C3orf70: variants seen among roughly 807,000 people sequenced by gnomAD.
C3orf70 encodes the protein chromosome 3 open reading frame 70, also known as UPF0524 protein C3orf70.
A neutral mutation model predicts 20.7 loss-of-function variants in C3orf70; 15 were observed. The ratio of observed to expected loss-of-function variants is 0.72; its 90% confidence interval spans 0.48 to 1.11. The LOEUF (loss-of-function observed/expected upper bound fraction) is 1.11, where lower values mean the gene tolerates loss of function less well. Ranked by LOEUF, C3orf70 falls within the 50% of genes most tolerant of loss-of-function variation. The pLI, the probability that C3orf70 is intolerant of heterozygous loss-of-function variation, is 0.00. For synonymous variants in C3orf70, 161 were observed against 125.7 expected (o/e 1.28, Z -1.88); for missense variants, 332 against 317.6 (o/e 1.05, Z -0.34).
chr3:185,091,527 G>C (rs1263171401), intron 1 of C3orf70, among the ~76,000 whole-genome samples: 2 of 151,982 alleles, frequency 1.3e-5, no homozygotes, highest in Non-Finnish European at 2.9e-5. Flanking sequence ...GGAGTTAAGA[G>C]GCTGCTACAG....
intron 1 of C3orf70, among the ~76,000 whole-genome samples, chr3:185,122,308 G>A (rs1303638229): frequency 3.3e-5 from 5 of 152,104 alleles, no homozygotes; most frequent in African/African-American, 4.8e-5. Context: ...TAACAATAGA[G>A]TCTCAGAATA....
intron 1 of C3orf70, among the ~76,000 whole-genome samples, chr3:185,110,811 C>T (rs545681054): frequency 2.0e-5 from 3 of 152,348 alleles, no homozygotes; most frequent in African/African-American, 7.2e-5. Flanking sequence ...TCCTTTCATT[C>T]GGCCCATCCC....
At chr3:185,128,736 T>C (rs1000092817) in intron 1 of C3orf70, among the ~76,000 whole-genome samples, 13 of 152,172 alleles carry the variant, frequency 8.5e-5, no homozygotes, top group Non-Finnish European at 1.6e-4. Context: ...CTGATTGAAG[T>C]AGAATGGGGG....
chr3:185,111,096 A>G, intron 1 of C3orf70, among the ~76,000 whole-genome samples: 1 of 152,210 alleles, frequency 6.6e-6, no homozygotes, highest in East Asian at 1.9e-4. Flanking sequence ...CACTAAGTAC[A>G]AAAAGCAACT....
intron 1 of C3orf70, among the ~76,000 whole-genome samples, chr3:185,084,974 G>C (rs1715431203): frequency 6.6e-6 from 1 of 152,118 alleles, no homozygotes; most frequent in South Asian, 2.1e-4. Context: ...AGCACTACCT[G>C]CATTTTGGAC....
At chr3:185,130,709 C>T (rs191009475) in intron 1 of C3orf70, among the ~76,000 whole-genome samples, 11 of 152,280 alleles carry the variant, frequency 7.2e-5, no homozygotes, top group Admixed American at 2.6e-4. Flanking sequence ...TGGAATCATA[C>T]GATATGTTAC....
At chr3:185,110,501 C>T (rs754243260) in intron 1 of C3orf70, among the ~76,000 whole-genome samples, 1 of 152,082 alleles carries the variant, frequency 6.6e-6, no homozygotes, top group Non-Finnish European at 1.5e-5. Flanking sequence ...GCTGCCCTTG[C>T]TTTTATTGAT....
At chr3:185,118,761 T>G (rs1222656977) in intron 1 of C3orf70, among the ~76,000 whole-genome samples, 1 of 152,150 alleles carries the variant, frequency 6.6e-6, no homozygotes, top group Non-Finnish European at 1.5e-5. Flanking sequence ...AAATAAAAAT[T>G]TTAAAACAAT....
At position 185,078,265 on chromosome 3, in the gene C3orf70, G is replaced by A. The variant is rs1188606946; in HGVS notation, c.*4742C>T. 1 of 152,566 alleles carries A rather than the reference G, an allele frequency of 6.6e-6. No individual in the cohort carries two copies. The highest frequency in any genetic ancestry group is 6.5e-5 in the Admixed American group (1 of 15,284). 9.5% of individuals were successfully genotyped at this position (152,566 alleles called of 1,614,324 possible). A position where few individuals can be genotyped will look rare whatever the true frequency, so the allele number is the denominator to read the frequency against. ...AGGTATGAACAGCCTTAAAAAGTGA[G>A]GTGGACACAACGATATAGAAGCTCA... On this transcript the variant is annotated 3_prime_UTR_variant, in exon 2 of 2. Transcript: ENST00000335012.
intron 1 of C3orf70, among the ~76,000 whole-genome samples, chr3:185,087,119 G>A (rs1242448819): frequency 6.6e-6 from 1 of 152,172 alleles, no homozygotes; most frequent in East Asian, 1.9e-4. Flanking sequence ...GGATTGAAAC[G>A]GGTTTCTGGC....
intron 1 of C3orf70, among the ~76,000 whole-genome samples, chr3:185,136,786 C>T (rs903097847): frequency 9.1e-6 from 1 of 110,376 alleles, no homozygotes; most frequent in Non-Finnish European, 2.2e-5. Flanking sequence ...GTGGTGCACG[C>T]CTGTAATCCT....
rs1577314256 is a variant in C3orf70 at position 185,079,425 on chromosome 3, A to G, written c.*3582T>C. ...TTTTATTTTGTATTGTATGACCTTG[A>G]ATTACAAGTCTTCCCCTCCCAGGAA... is the stretch of plus-strand genomic sequence containing the variant. On this transcript the variant is annotated 3_prime_UTR_variant, in exon 2 of 2. Transcript: ENST00000335012. The G allele has an allele frequency of 6.6e-6, 1 of 151,982 alleles. No individual in the cohort carries two copies. The highest frequency in any genetic ancestry group is 2.4e-5 in the African/African-American group (1 of 41,368). 9.4% of individuals were successfully genotyped at this position (151,982 alleles called of 1,614,324 possible).
At chr3:185,093,184 C>G (rs1715630729) in intron 1 of C3orf70, among the ~76,000 whole-genome samples, 1 of 152,128 alleles carries the variant, frequency 6.6e-6, no homozygotes, top group Non-Finnish European at 1.5e-5. Context: ...GGTGGTGGAA[C>G]AAAGTACCAC....
chr3:185,120,321 G>A (rs73887815), intron 1 of C3orf70, among the ~76,000 whole-genome samples: 8,291 of 152,104 alleles, frequency 0.055, 683 homozygotes, highest in African/African-American at 0.18. Flanking sequence ...AGAACAAGAC[G>A]GACAAGATTC....
intron 1 of C3orf70, among the ~76,000 whole-genome samples, chr3:185,123,452 C>A (rs1187627528): frequency 6.6e-6 from 1 of 150,950 alleles, no homozygotes; most frequent in African/African-American, 2.4e-5. Context: ...TGGGTACACA[C>A]AATTACCAAC....
intron 1 of C3orf70, among the ~76,000 whole-genome samples, chr3:185,107,072 A>G (rs1715959926): frequency 1.3e-5 from 2 of 152,216 alleles, no homozygotes. Flanking sequence ...TTACTAATAA[A>G]CACCCTACCT....
intron 1 of C3orf70, among the ~76,000 whole-genome samples, chr3:185,151,267 G>A (rs927138112): frequency 2.0e-5 from 3 of 152,308 alleles, no homozygotes; most frequent in Middle Eastern, 3.4e-3. Flanking sequence ...AAATAAGACA[G>A]ACAGTAACCT....
At chr3:185,099,428 TA>T (rs1715778016) in intron 1 of C3orf70, among the ~76,000 whole-genome samples, 1 of 152,204 alleles carries the variant, frequency 6.6e-6, no homozygotes, top group Admixed American at 6.5e-5. Context: ...TTAACATTCT[TA>T]AAGAAAAATT....
chr3:185,102,589 C>G (rs536698538), intron 1 of C3orf70, among the ~76,000 whole-genome samples: 2 of 152,164 alleles, frequency 1.3e-5, no homozygotes, highest in African/African-American at 4.8e-5. Context: ...AAAACGAGCC[C>G]GAATAGACAA....
Sources: allele counts gnomAD v4.1 joint callset (sites outside exome capture counted in the v4.1 genomes callset), GRCh38; gene constraint gnomAD v4.1.1; transcripts MANE v1.5; gene names NCBI Gene and HGNC (gene_info 2026-07-23, HGNC 2026-07-21).